Variants in DYM observed in about 807,000 individuals in gnomAD.
DYM encodes dyggve-Melchior-Clausen syndrome protein.
DYM carries 78 observed loss-of-function variants against 93.1 expected under a neutral mutation model. The ratio of observed to expected loss-of-function variants is 0.84; its 90% CI spans 0.70 to 1.01. The LOEUF (loss-of-function observed/expected upper bound fraction) is 1.01. Among genes scored for constraint, DYM ranks in the 50% least tolerant of loss-of-function variants. DYM has a pLI of 0.00. For missense variants in DYM, 789 were observed against 845.0 expected (o/e 0.93, Z 0.82); for synonymous variants, 321 against 319.7 (o/e 1.00, Z -0.04).
intron 15 of DYM, among the ~76,000 whole-genome samples, chr18:49,156,518 G>A (rs2086458603): frequency 6.6e-6 from 1 of 152,006 alleles, no homozygotes; most frequent in African/African-American, 2.4e-5. Context: ...GATCACCTGA[G>A]GTCAGGAGTT....
At chr18:49,068,826 C>A (rs2076669271) in intron 17 of DYM, among the ~76,000 whole-genome samples, 1 of 152,134 alleles carries the variant, frequency 6.6e-6, no homozygotes, top group South Asian at 2.1e-4. Context: ...CTTTTTTATT[C>A]TACTGGAAAG....
intron 15 of DYM, among the ~76,000 whole-genome samples, chr18:49,151,790 T>A (rs2085845061): frequency 6.6e-6 from 1 of 152,112 alleles, no homozygotes; most frequent in Non-Finnish European, 1.5e-5. Context: ...AGGAGACTTC[T>A]TTTCTTCCTA....
intron 8 of DYM, among the ~76,000 whole-genome samples, chr18:49,307,337 G>A (rs1481758287): frequency 1.3e-5 from 2 of 151,908 alleles, no homozygotes; most frequent in African/African-American, 4.8e-5. Context: ...CATTCTTAAG[G>A]TTACCCATGG....
At chr18:49,382,874 G>T in intron 3 of DYM, among the ~76,000 whole-genome samples, 1 of 152,178 alleles carries the variant, frequency 6.6e-6, no homozygotes, top group East Asian at 1.9e-4. Context: ...TCAGATAAGG[G>T]TATTGTAGAC....
chr18:49,331,144 T>C (rs1206133624), intron 8 of DYM, among the ~76,000 whole-genome samples: 1 of 152,204 alleles, frequency 6.6e-6, no homozygotes, highest in East Asian at 1.9e-4. Context: ...GAGGACATGC[T>C]GCAGGTTTGG....
chr18:49,171,580 T>A (rs10853576), intron 14 of DYM, among the ~76,000 whole-genome samples: 151,529 of 152,322 alleles, frequency 0.99, 75,380 homozygotes, highest in Middle Eastern at 1. Context: ...AATAAAAAAT[T>A]AAAAAAACCA....
Position 49,186,200 on chromosome 18 carries a change from T to G in DYM, c.1626-22413A>C, listed in dbSNP as rs148388248. Among the ~76,000 whole-genome samples the G allele has an allele frequency of 4.7e-4, 71 of 152,320 alleles. 3 individuals are homozygous for G. The highest frequency in any genetic ancestry group is 1.6e-3 in the African/African-American group (66 of 41,576). On this transcript the variant is annotated intron_variant, in intron 14 of 17. Transcript: ENST00000675505. ...CTCACTTAATAATCACTTTATTTTT[T>G]GCTCTGCCCACTGTCTTTTTTTATT...
At chr18:49,087,690 CCA>C (rs1294386967) in intron 17 of DYM, among the ~76,000 whole-genome samples, 2 of 152,170 alleles carry the variant, frequency 1.3e-5, no homozygotes, top group Non-Finnish European at 2.9e-5. Flanking sequence ...TGAGGAATCG[CCA>C]CACTGACTTC....
At chr18:49,230,992 A>T (rs191375642) in intron 13 of DYM, among the ~76,000 whole-genome samples, 1,628 of 152,316 alleles carry the variant, frequency 0.011, 27 homozygotes, top group African/African-American at 0.037. Flanking sequence ...TTATTTATTT[A>T]AAAAATGACT....
intron 1 of DYM, among the ~76,000 whole-genome samples, chr18:49,452,339 T>C (rs1462909816): frequency 6.6e-6 from 1 of 152,132 alleles, no homozygotes; most frequent in African/African-American, 2.4e-5. Flanking sequence ...GCTCCCGCAG[T>C]GTGGAAGGGG....
intron 15 of DYM, among the ~76,000 whole-genome samples, chr18:49,131,369 C>T (rs1015254475): frequency 1.3e-5 from 2 of 152,084 alleles, no homozygotes; most frequent in South Asian, 2.1e-4. Flanking sequence ...TGCTCCACCA[C>T]GCCTGACTGA....
chr18:49,431,681 C>A (rs910062852), intron 1 of DYM: 1 of 152,172 alleles, frequency 6.6e-6, no homozygotes, highest in Admixed American at 6.5e-5. Flanking sequence ...GGACCAAAGG[C>A]GGCTCAGGTC....
intron 14 of DYM, among the ~76,000 whole-genome samples, chr18:49,202,623 T>G: frequency 9.0e-6 from 1 of 110,610 alleles, no homozygotes. Context: ...GTCTGAGATG[T>G]GGGGAGCGCC....
chr18:49,343,814 A>G (rs533005536), intron 6 of DYM, among the ~76,000 whole-genome samples: 2 of 152,298 alleles, frequency 1.3e-5, no homozygotes, highest in African/African-American at 2.4e-5. Flanking sequence ...AACACTCTGC[A>G]GAAAAATTTA....
rs963811128 is a variant in DYM, at chr18:49,295,089, C to T, written c.764-8473G>A. On this transcript the variant is annotated intron_variant, in intron 8 of 17. Transcript: ENST00000675505. ...TTGGGGAAAGTAATGAGGATACAAG[C>T]ATTAAAACGACTGCATATAAACTGA... Among the ~76,000 whole-genome samples, 4 of 150,528 alleles carry T rather than the reference C, an allele frequency of 2.7e-5. No homozygotes were observed. The East Asian group carries it at 8.1e-4, about 31-fold the overall frequency.
At chr18:49,317,485 C>CAAAAGTCT in intron 8 of DYM, among the ~76,000 whole-genome samples, 1 of 149,584 alleles carries the variant, frequency 6.7e-6, no homozygotes, top group East Asian at 2.0e-4. Context: ...GAAGGTTTGC[C>CAAAAGTCT]AAAAGTCTTT....
In DYM at chr18:49,274,473, G is replaced by A. The variant is rs114222498; in HGVS notation, c.1126-2170C>T. On this transcript the variant is annotated intron_variant, in intron 10 of 17. Transcript: ENST00000675505. ...TAAACATTCATTTACAAGTTTTCCTGCAGACATATACTCATTTCTCTTGGG... is the reference window on the plus strand; with the variant it reads ...TAAACATTCATTTACAAGTTTTCCTACAGACATATACTCATTTCTCTTGGG... Among the ~76,000 whole-genome samples, 825 of 152,080 alleles carry A rather than the reference G, an allele frequency of 5.4e-3. 13 individuals carry two copies. The highest frequency in any genetic ancestry group is 0.019 in the African/African-American group (795 of 41,480).
chr18:49,183,446 C>A (rs1372320697), intron 14 of DYM, among the ~76,000 whole-genome samples: 1 of 152,104 alleles, frequency 6.6e-6, no homozygotes, highest in Admixed American at 6.5e-5. Context: ...CCTGCACACT[C>A]CATTCTGTTC....
chr18:49,289,758 T>TATATATACACAC (rs1568181165), intron 8 of DYM, among the ~76,000 whole-genome samples: 1 of 38,166 alleles, frequency 2.6e-5, no homozygotes. Flanking sequence ...TATATATATA[T>TATATATACACAC]ATATATATAT....
Sources: allele counts gnomAD v4.1 joint callset (sites outside exome capture counted in the v4.1 genomes callset), GRCh38; gene constraint gnomAD v4.1.1; transcripts MANE v1.5; gene names NCBI Gene and HGNC (gene_info 2026-07-23, HGNC 2026-07-21).